The following XKR9 variants were observed in gnomAD, a reference collection of about 807,000 sequenced individuals.
XKR9 encodes the protein XK-related protein 9.
Under a neutral mutation model 32.0 loss-of-function variants are expected in XKR9, and 32 were observed. That is an observed-to-expected ratio of 1.00 (90% CI 0.76 to 1.34). The LOEUF (loss-of-function observed/expected upper bound fraction) is 1.34, where lower values mean the gene tolerates loss of function less well. Ranked by LOEUF, XKR9 falls within the 40% of genes most tolerant of loss-of-function variation. The probability of loss-of-function intolerance (pLI) is 0.00; values close to 1 mark genes in which losing one functional copy is unlikely to be tolerated. For synonymous variants in XKR9, 168 were observed against 143.4 expected (o/e 1.17, Z -1.22); for missense variants, 546 against 429.7 (o/e 1.27, Z -2.39).
the XKR9 span, among the ~76,000 whole-genome samples, chr8:71,005,830 C>T: frequency 6.6e-6 from 1 of 152,172 alleles, no homozygotes; most frequent in South Asian, 2.1e-4. Context: ...GGTATTTCCT[C>T]CTTACAGCTG....
At chr8:70,782,537 T>G (rs1374511779) in intron 2 of XKR9, among the ~76,000 whole-genome samples, 1 of 151,946 alleles carries the variant, frequency 6.6e-6, no homozygotes, top group African/African-American at 2.4e-5. Context: ...ATCTTATTCC[T>G]TCTGCTTGAG....
the XKR9 span, among the ~76,000 whole-genome samples, chr8:70,880,692 C>A: frequency 2.0e-5 from 3 of 152,300 alleles, no homozygotes; most frequent in South Asian, 6.2e-4. Flanking sequence ...AATGGCCGTA[C>A]TGCCCAAAGT....
At chr8:70,748,673 G>A (rs1807092514) in intron 2 of XKR9, among the ~76,000 whole-genome samples, 1 of 152,194 alleles carries the variant, frequency 6.6e-6, no homozygotes, top group Non-Finnish European at 1.5e-5. Flanking sequence ...TGGTGGAAAA[G>A]GGCAGGTTCC....
chr8:71,045,476 G>T, the XKR9 span, among the ~76,000 whole-genome samples: 2 of 152,216 alleles, frequency 1.3e-5, no homozygotes, highest in Non-Finnish European at 2.9e-5. Context: ...CCAGATCCCA[G>T]TGGAGAGGAC....
intron 4 of XKR9, among the ~76,000 whole-genome samples, chr8:70,729,942 T>A (rs937634134): frequency 1.3e-5 from 2 of 152,216 alleles, no homozygotes; most frequent in Non-Finnish European, 2.9e-5. Context: ...GAAAGTGACA[T>A]ACTTTATAAT....
the XKR9 span, among the ~76,000 whole-genome samples, chr8:70,904,639 A>T: frequency 6.6e-6 from 1 of 152,046 alleles, no homozygotes; most frequent in African/African-American, 2.4e-5. Context: ...TTATATTGTT[A>T]TGTGTGAATT....
the XKR9 span, among the ~76,000 whole-genome samples, chr8:71,036,089 G>C: frequency 7.2e-5 from 11 of 151,990 alleles, no homozygotes; most frequent in African/African-American, 2.7e-4. Flanking sequence ...TGTTTTATGG[G>C]TCTTCATTTC....
At chr8:70,806,106 C>T in the XKR9 span, among the ~76,000 whole-genome samples, 69 of 152,198 alleles carry the variant, frequency 4.5e-4, no homozygotes, top group African/African-American at 1.2e-3. Flanking sequence ...TCTCCAGGTG[C>T]GGGAGTGAAC....
At chr8:70,678,944 G>A (rs1325810603) in intron 2 of XKR9, among the ~76,000 whole-genome samples, 1 of 152,196 alleles carries the variant, frequency 6.6e-6, no homozygotes, top group Non-Finnish European at 1.5e-5. Context: ...TGGTCTGGCT[G>A]CCATAGCAGA....
intron 1 of XKR9, among the ~76,000 whole-genome samples, chr8:70,673,926 G>T (rs1818800995): frequency 6.6e-6 from 1 of 152,162 alleles, no homozygotes; most frequent in African/African-American, 2.4e-5. Context: ...AGGTAATGTT[G>T]TAGACATATT....
the XKR9 span, among the ~76,000 whole-genome samples, chr8:70,987,989 G>A: frequency 9.2e-5 from 14 of 151,952 alleles, no homozygotes; most frequent in African/African-American, 2.4e-4. Flanking sequence ...CGAGCTCTAC[G>A]TTGGCCCCTT....
chr8:71,048,101 C>T, the XKR9 span, among the ~76,000 whole-genome samples: 1 of 151,588 alleles, frequency 6.6e-6, no homozygotes, highest in African/African-American at 2.4e-5. Context: ...GAGGGAGTGA[C>T]TGAAAAAAAA....
chr8:70,696,733 G>A (rs1260848483), intron 3 of XKR9, among the ~76,000 whole-genome samples: 1 of 150,236 alleles, frequency 6.7e-6, no homozygotes, highest in Non-Finnish European at 1.5e-5. Context: ...GTCATTGGTA[G>A]CTTGATGGGG....
intron 2 of XKR9, among the ~76,000 whole-genome samples, chr8:70,753,278 T>C (rs1376543746): frequency 1.3e-5 from 2 of 151,844 alleles, no homozygotes; most frequent in Non-Finnish European, 2.9e-5. Context: ...AATCAATAGC[T>C]TACCAACCAA....
the XKR9 span, among the ~76,000 whole-genome samples, chr8:70,847,835 T>C: frequency 1.3e-5 from 2 of 151,956 alleles, no homozygotes; most frequent in Admixed American, 6.6e-5. Flanking sequence ...GTAAAAAGTC[T>C]TCCAACAAAG....
chr8:70,702,125 C>T (rs911477563), intron 3 of XKR9, among the ~76,000 whole-genome samples: 1 of 151,988 alleles, frequency 6.6e-6, no homozygotes, highest in South Asian at 2.1e-4. Context: ...ACCTATTTTT[C>T]AATTTAAAAC....
the XKR9 span, among the ~76,000 whole-genome samples, chr8:70,959,428 C>T: frequency 6.6e-6 from 1 of 152,142 alleles, no homozygotes; most frequent in Non-Finnish European, 1.5e-5. Flanking sequence ...ATCACAGAGA[C>T]ATTTCATAAT....
At chr8:70,763,788 G>T (rs1238736472) in intron 2 of XKR9, among the ~76,000 whole-genome samples, 1 of 152,206 alleles carries the variant, frequency 6.6e-6, no homozygotes, top group Non-Finnish European at 1.5e-5. Context: ...TGTACTGGTG[G>T]AGGGGAACTT....
chr8:70,863,078 T>G, the XKR9 span, among the ~76,000 whole-genome samples: 1 of 152,062 alleles, frequency 6.6e-6, no homozygotes, highest in South Asian at 2.1e-4. Context: ...GAAAAGATGA[T>G]GAAACTGTTG....
Sources: gnomAD v4.1 joint callset for allele counts (sites outside exome capture counted in the v4.1 genomes callset) on GRCh38, gnomAD v4.1.1 for gene constraint, MANE v1.5 for transcripts, NCBI Gene and HGNC (gene_info 2026-07-23, HGNC 2026-07-21) for gene names.